BBX: variants seen among roughly 807,000 people sequenced by gnomAD.
The protein encoded by BBX is BBX high mobility group box domain containing.
A neutral mutation model predicts 100.2 loss-of-function variants in BBX; 30 were observed. That is an observed-to-expected ratio of 0.30 (90% CI 0.22 to 0.41). The LOEUF (loss-of-function observed/expected upper bound fraction) is 0.41. Ranked by LOEUF, BBX falls within the 10% of genes least tolerant of loss-of-function variation. BBX has a pLI of 1.00. For missense variants in BBX, 1,023 were observed against 1,129.8 expected, an observed-to-expected ratio of 0.91 and a Z score of 1.35; for synonymous variants, 376 against 388.1, an observed-to-expected ratio of 0.97 and a Z score of 0.37.
intron 2 of BBX, among the ~76,000 whole-genome samples, chr3:107,542,349 T>C (rs2107367162): frequency 6.6e-6 from 1 of 152,362 alleles, no homozygotes; most frequent in East Asian, 1.9e-4. Flanking sequence ...AACTCAGTTT[T>C]CATAATTTGT....
rs76548863 is a variant in BBX, at chr3:107,690,607, T to C, written c.-9-19845T>C. On this transcript the variant is annotated intron_variant, in intron 3 of 17. Coordinates refer to ENST00000325805, the MANE Select transcript of BBX (RefSeq NM_001142568.3). ...AGCTTCTTCAGTGATTTCCCAGGTT[T>C]ATATGGTTTATGATTATTTTACAGA... Among the ~76,000 whole-genome samples, 340 of 152,284 alleles carry C rather than the reference T, an allele frequency of 2.2e-3. 2 individuals carry two copies. Among genetic ancestry groups the C allele is most frequent in the African/African-American group, 7.7e-3 (322 of 41,554 alleles).
intron 10 of BBX, among the ~76,000 whole-genome samples, chr3:107,765,487 T>C (rs975236384): frequency 2.0e-5 from 3 of 151,986 alleles, no homozygotes; most frequent in Admixed American, 1.3e-4. Context: ...GTGTGTTTTC[T>C]TTTTTCTTGA....
chr3:107,764,511 G>A (rs2066209084), intron 10 of BBX, among the ~76,000 whole-genome samples: 1 of 152,104 alleles, frequency 6.6e-6, no homozygotes, highest in Admixed American at 6.5e-5. Flanking sequence ...AAAAAATAAA[G>A]TAGTACCTGA....
At chr3:107,735,590 T>A (rs1219962208) in intron 7 of BBX, among the ~76,000 whole-genome samples, 1 of 152,064 alleles carries the variant, frequency 6.6e-6, no homozygotes, top group Non-Finnish European at 1.5e-5. Flanking sequence ...ACTATTTTTT[T>A]AAATATGAAA....
At chr3:107,591,393 A>C (rs1050119366) in intron 2 of BBX, among the ~76,000 whole-genome samples, 1 of 152,216 alleles carries the variant, frequency 6.6e-6, no homozygotes, top group Non-Finnish European at 1.5e-5. Flanking sequence ...GTGTAAGTCC[A>C]TTAAAAGAAG....
intron 2 of BBX, among the ~76,000 whole-genome samples, chr3:107,594,727 CAT>C (rs1417917584): frequency 2.0e-5 from 3 of 152,030 alleles, no homozygotes; most frequent in Non-Finnish European, 2.9e-5. Flanking sequence ...TGAATTAACA[CAT>C]GTCATATAAT....
intron 5 of BBX, among the ~76,000 whole-genome samples, chr3:107,718,160 T>C (rs1328447536): frequency 6.7e-6 from 1 of 148,934 alleles, no homozygotes; most frequent in Non-Finnish European, 1.5e-5. Context: ...CTAAAAATTA[T>C]TAATAATTAT....
At chr3:107,726,930 C>T (rs2062987992) in intron 5 of BBX, among the ~76,000 whole-genome samples, 2 of 151,954 alleles carry the variant, frequency 1.3e-5, no homozygotes, top group Admixed American at 6.6e-5. Context: ...ATTATAACTG[C>T]TCTATGTGAT....
intron 2 of BBX, among the ~76,000 whole-genome samples, chr3:107,597,690 C>G (rs2053757676): frequency 6.6e-6 from 1 of 152,126 alleles, no homozygotes; most frequent in Non-Finnish European, 1.5e-5. Flanking sequence ...GATTTATCAG[C>G]TGACAACTCA....
At chr3:107,721,026 C>T (rs1319372668) in intron 5 of BBX, among the ~76,000 whole-genome samples, 1 of 152,076 alleles carries the variant, frequency 6.6e-6, no homozygotes, top group Admixed American at 6.6e-5. Flanking sequence ...ACTTTGCCTA[C>T]TATTAGAGTA....
intron 5 of BBX, among the ~76,000 whole-genome samples, chr3:107,727,549 A>G (rs2063041582): frequency 6.6e-6 from 1 of 152,164 alleles, no homozygotes; most frequent in South Asian, 2.1e-4. Context: ...CCATGTATCA[A>G]TAGGCATATA....
intron 2 of BBX, among the ~76,000 whole-genome samples, chr3:107,615,628 G>A (rs2055195317): frequency 6.6e-6 from 1 of 152,110 alleles, no homozygotes; most frequent in Non-Finnish European, 1.5e-5. Context: ...TGGCAATTTT[G>A]AAGGAACACA....
intron 2 of BBX, among the ~76,000 whole-genome samples, chr3:107,605,747 A>T (rs2054388451): frequency 6.6e-6 from 1 of 152,182 alleles, no homozygotes; most frequent in Non-Finnish European, 1.5e-5. Context: ...GAAGAAATGG[A>T]AGCACAGGAA....
At chr3:107,640,649 T>C (rs913031646) in intron 2 of BBX, among the ~76,000 whole-genome samples, 2 of 151,772 alleles carry the variant, frequency 1.3e-5, no homozygotes, top group African/African-American at 4.8e-5. Context: ...GTAACTATTA[T>C]AATAACTGTT....
intron 2 of BBX, among the ~76,000 whole-genome samples, chr3:107,542,528 G>A (rs1192684302): frequency 6.6e-6 from 1 of 152,202 alleles, no homozygotes; most frequent in Non-Finnish European, 1.5e-5. Context: ...CATGTAAAGT[G>A]GAATATGAAA....
intron 2 of BBX, among the ~76,000 whole-genome samples, chr3:107,556,581 A>G (rs954103992): frequency 5.3e-5 from 8 of 152,144 alleles, no homozygotes; most frequent in Admixed American, 3.9e-4. Context: ...ATTTTCTGGT[A>G]TTTATTTTTT....
chr3:107,607,295 C>T (rs1057367442), intron 2 of BBX, among the ~76,000 whole-genome samples: 1 of 152,084 alleles, frequency 6.6e-6, no homozygotes, highest in Admixed American at 6.5e-5. Flanking sequence ...CAGGGTTTCA[C>T]CGTGTTGGCT....
chr3:107,662,387 C>T (rs2107864850), intron 3 of BBX, among the ~76,000 whole-genome samples: 1 of 152,222 alleles, frequency 6.6e-6, no homozygotes, highest in African/African-American at 2.4e-5. Context: ...TTCAGTCTCC[C>T]AACAGCTAAC....
At chr3:107,702,241 C>T (rs115857179) in intron 3 of BBX, among the ~76,000 whole-genome samples, 60 of 152,224 alleles carry the variant, frequency 3.9e-4, no homozygotes, top group African/African-American at 9.6e-4. Context: ...TATAATAGTA[C>T]GCTGTTTTGA....
Sources: gnomAD v4.1 joint callset for allele counts (sites outside exome capture counted in the v4.1 genomes callset) on GRCh38, gnomAD v4.1.1 for gene constraint, MANE v1.5 for transcripts, NCBI Gene and HGNC (gene_info 2026-07-23, HGNC 2026-07-21) for gene names.